EVA1C: variants seen among roughly 807,000 people sequenced by gnomAD.
EVA1C encodes protein eva-1 homolog C.
A neutral mutation model predicts 45.4 loss-of-function variants in EVA1C; 25 were observed. The ratio of observed to expected loss-of-function variants is 0.55; its 90% confidence interval spans 0.40 to 0.77. The LOEUF (loss-of-function observed/expected upper bound fraction) is 0.77. EVA1C is among the 30% of genes least tolerant of loss of function. EVA1C has a pLI of 0.00. For missense variants in EVA1C, 479 were observed against 554.8 expected, an observed-to-expected ratio of 0.86 and a Z score of 1.37; for synonymous variants, 190 against 221.2, an observed-to-expected ratio of 0.86 and a Z score of 1.25.
intron 4 of EVA1C, among the ~76,000 whole-genome samples, chr21:32,488,960 CT>C (rs1316700271): frequency 1.3e-5 from 2 of 152,194 alleles, no homozygotes; most frequent in African/African-American, 4.8e-5. Flanking sequence ...GAGTTATTTG[CT>C]TTTTTCAGTT....
intron 1 of EVA1C, among the ~76,000 whole-genome samples, chr21:32,443,107 G>A (rs1284918254): frequency 6.6e-6 from 1 of 152,036 alleles, no homozygotes; most frequent in Non-Finnish European, 1.5e-5. Context: ...CAGCCACGGG[G>A]CTATGTACTG....
At chr21:32,440,693 A>G (rs2035142516) in intron 1 of EVA1C, among the ~76,000 whole-genome samples, 1 of 152,218 alleles carries the variant, frequency 6.6e-6, no homozygotes, top group African/African-American at 2.4e-5. Context: ...AGAAATCTAT[A>G]AGCCCTGGGT....
In EVA1C at chr21:32,416,335, T is replaced by C. The variant is rs547499434; in HGVS notation, c.160+3322T>C. Among the ~76,000 whole-genome samples, 842 of 149,138 alleles carry C rather than the reference T, an allele frequency of 5.6e-3. 3 individuals are homozygous for C. Among genetic ancestry groups the C allele is most frequent in the Non-Finnish European group, 8.9e-3 (600 of 67,122 alleles). On this transcript the variant is annotated intron_variant, in intron 1 of 7. Coordinates refer to ENST00000300255, the MANE Select transcript of EVA1C (RefSeq NM_058187.5). Reference sequence around the variant, plus strand: ...TTTTTCTTTTTCTTTTTTTTTTTTTTTTTTTCTTTTTGAGACGCAGTTTCA... The same window carrying C: ...TTTTTCTTTTTCTTTTTTTTTTTTTCTTTTTCTTTTTGAGACGCAGTTTCA...
chr21:32,459,435 A>G (rs963457572), intron 3 of EVA1C, among the ~76,000 whole-genome samples: 4 of 152,186 alleles, frequency 2.6e-5, no homozygotes, highest in African/African-American at 9.7e-5. Flanking sequence ...GCTGAATCTC[A>G]CAGACGACTG....
intron 4 of EVA1C, among the ~76,000 whole-genome samples, chr21:32,492,168 C>T (rs770228523): frequency 6.6e-6 from 1 of 152,156 alleles, no homozygotes; most frequent in Non-Finnish European, 1.5e-5. Context: ...CAGAGACCAC[C>T]AGGGTGATGA....
At position 32,501,400 on chromosome 21, in the gene EVA1C, T is replaced by C. The variant is rs763497663; in HGVS notation, c.779-15T>C. 2.5e-6 allele frequency: 4 copies of C among 1,580,836 alleles called. No homozygotes were observed. The highest frequency in any genetic ancestry group is 3.4e-6 in the Non-Finnish European group (4 of 1,173,108). ...ATATACCACGAATTTAAAATATTTC[T>C]TTTTTGGCTTTTAGTTCCCAAGAAC... On this transcript the variant is annotated splice_polypyrimidine_tract_variant and intron_variant, in intron 5 of 7. Transcript: ENST00000300255.
chr21:32,459,883 C>G (rs572230188), intron 3 of EVA1C, among the ~76,000 whole-genome samples: 3 of 142,314 alleles, frequency 2.1e-5, no homozygotes, highest in Non-Finnish European at 4.6e-5. Context: ...AAGATATTAA[C>G]AATTGGAGAC....
At position 32,418,188 on chromosome 21, in the gene EVA1C, C is replaced by A. The variant is rs557872825; in HGVS notation, c.160+5175C>A. On this transcript the variant is annotated intron_variant, in intron 1 of 7. Coordinates refer to ENST00000300255, the MANE Select transcript of EVA1C (RefSeq NM_058187.5). ...TTTCATGATGCCTCAGTCACATCAT[C>A]CTTTTTATTCAAGATTTATCTTTAC... Among the ~76,000 whole-genome samples, 3 of 152,294 alleles carry A rather than the reference C, an allele frequency of 2.0e-5. No homozygotes were observed. In the South Asian group the frequency reaches 6.2e-4, roughly 32 times the overall value.
intron 1 of EVA1C, among the ~76,000 whole-genome samples, chr21:32,447,857 CA>C (rs2035421355): frequency 6.6e-6 from 1 of 152,214 alleles, no homozygotes; most frequent in African/African-American, 2.4e-5. Flanking sequence ...AAGCGCCTGC[CA>C]CCACGTCCGG....
intron 2 of EVA1C, 81 bp from the exon 3 acceptor site, chr21:32,457,516 G>A (rs113311191): frequency 6.3e-7 from 1 of 1,575,290 alleles, no homozygotes; most frequent in African/African-American, 1.3e-5. Flanking sequence ...CCTTTGCAGA[G>A]CCCAGAGCAG....
At chr21:32,505,006 T>A (rs1408620112) in intron 7 of EVA1C, among the ~76,000 whole-genome samples, 5 of 152,018 alleles carry the variant, frequency 3.3e-5, no homozygotes, top group African/African-American at 9.7e-5. Context: ...AACTCCCCTT[T>A]ATAAAACCAT....
intron 1 of EVA1C, among the ~76,000 whole-genome samples, chr21:32,443,548 C>A (rs1273305643): frequency 6.6e-6 from 1 of 151,776 alleles, no homozygotes; most frequent in African/African-American, 2.4e-5. Flanking sequence ...AAAAAACAAA[C>A]AAATAAAAAA....
chr21:32,419,404 C>T (rs2034174617), intron 1 of EVA1C, among the ~76,000 whole-genome samples: 1 of 152,198 alleles, frequency 6.6e-6, no homozygotes, highest in African/African-American at 2.4e-5. Context: ...GAACCCAGTA[C>T]CTATTGGGTT....
chr21:32,433,632 C>G (rs1268903153), intron 1 of EVA1C, among the ~76,000 whole-genome samples: 1 of 152,228 alleles, frequency 6.6e-6, no homozygotes, highest in African/African-American at 2.4e-5. Flanking sequence ...CTTCCTCATA[C>G]CTTTGAAGAA....
chr21:32,477,483 G>A (rs1434185254), intron 4 of EVA1C, among the ~76,000 whole-genome samples: 1 of 152,126 alleles, frequency 6.6e-6, no homozygotes, highest in African/African-American at 2.4e-5. Context: ...GTCTCACGGG[G>A]TTTCAGGAAG....
chr21:32,513,017 TATA>T (rs2038008302), intron 7 of EVA1C, among the ~76,000 whole-genome samples: 1 of 151,320 alleles, frequency 6.6e-6, no homozygotes, highest in African/African-American at 2.4e-5. Flanking sequence ...TAGTAAGTAT[TATA>T]ATACTTACAA....
chr21:32,502,665 C>G (rs1490083263), intron 6 of EVA1C, among the ~76,000 whole-genome samples: 1 of 152,068 alleles, frequency 6.6e-6, no homozygotes, highest in Non-Finnish European at 1.5e-5. Context: ...ATGAAAGCAC[C>G]CCTACTCCAA....
chr21:32,457,391 T>A (rs2035824779), intron 2 of EVA1C, among the ~76,000 whole-genome samples: 1 of 152,152 alleles, frequency 6.6e-6, no homozygotes, highest in Non-Finnish European at 1.5e-5. Context: ...CCTGGCACTA[T>A]TGGATCAGGT....
intron 5 of EVA1C, 113 bp from the exon 6 acceptor site, chr21:32,501,302 C>A: frequency 2.2e-6 from 2 of 899,864 alleles, no homozygotes; most frequent in Non-Finnish European, 3.4e-6. Flanking sequence ...GATTCTTGCA[C>A]TGATTTGGAA....
Sources: gnomAD v4.1 joint callset for allele counts (sites outside exome capture counted in the v4.1 genomes callset) on GRCh38, gnomAD v4.1.1 for gene constraint, MANE v1.5 for transcripts, NCBI Gene and HGNC (gene_info 2026-07-23, HGNC 2026-07-21) for gene names.